CEP131: variants seen among roughly 807,000 people sequenced by gnomAD.
CEP131 encodes the protein centrosomal protein of 131 kDa.
A neutral mutation model predicts 136.8 loss-of-function variants in CEP131; 99 were observed. The observed-to-expected ratio is 0.72, with a 90% CI of 0.62 to 0.86. CEP131 has a LOEUF of 0.86. CEP131 is among the 40% of genes least tolerant of loss of function. The pLI, the probability that CEP131 is intolerant of heterozygous loss-of-function variation, is 0.00. For synonymous variants in CEP131, 646 were observed against 612.7 expected (o/e 1.05, Z -0.80); for missense variants, 1,459 against 1,463.0 (o/e 1.00, Z 0.04).
intron 17 of CEP131, 35 bp downstream of exon 17, chr17:81,194,835 C>G (rs749803404): frequency 3.2e-6 from 5 of 1,570,168 alleles, no homozygotes; most frequent in African/African-American, 2.7e-5. Context: ...GCACCCACCC[C>G]ACACCTGGCC....
intron 5 of CEP131, 119 bp downstream of exon 5, chr17:81,206,625 C>T (rs544533484): frequency 2.2e-6 from 3 of 1,355,218 alleles, no homozygotes; most frequent in African/African-American, 1.5e-5. Flanking sequence ...TTCACTCACT[C>T]ACTCATTCAT....
At chr17:81,191,538 T>A (rs953453495) in intron 21 of CEP131, among the ~76,000 whole-genome samples, 2 of 152,150 alleles carry the variant, frequency 1.3e-5, no homozygotes, top group Non-Finnish European at 2.9e-5. Context: ...GAGATCGTCA[T>A]GATGCACAGC....
At chr17:81,192,685 G>GGGGGGGGGGGGGGGCGGGCCC in intron 19 of CEP131, 51 bp downstream of exon 19, 1 of 478,436 alleles carries the variant, frequency 2.1e-6, no homozygotes, top group Non-Finnish European at 4.1e-6. Context: ...GGGGGGAGGG[G>GGGGGGGGGGGGGGGCGGGCCC]TCAGCCAGCG....
chr17:81,206,719 T>A (rs112159819), intron 5 of CEP131, 25 bp downstream of exon 5: 4 of 1,589,568 alleles, frequency 2.5e-6, no homozygotes, highest in Non-Finnish European at 2.6e-6. Flanking sequence ...CTGGTGCCCG[T>A]CGTGGGCACC....
Position 81,220,039 on chromosome 17 carries a change from G to A in CEP131, c.18C>T (p.Ala6=), listed in dbSNP as rs774014404. The A allele has an allele frequency of 1.9e-6, 3 of 1,592,458 alleles. No individual in the cohort carries two copies. The highest frequency in any genetic ancestry group is 2.6e-6 in the Non-Finnish European group (3 of 1,170,492). Residue 6 remains alanine (A), a synonymous_variant, in exon 2 of 26, where the codon GCC becomes GCT. Transcript: ENST00000450824. The part of the protein sequence containing the change: MKGTR[A]IGSVPERSPA... ...GGCTGCGCTCCGGGACGCTGCCGAT[G>A]GCCCGGGTGCCTTTCATGGTGGACA...
chr17:81,217,917 G>T (rs548500690), intron 2 of CEP131, among the ~76,000 whole-genome samples: 9 of 152,144 alleles, frequency 5.9e-5, no homozygotes, highest in Non-Finnish European at 1.2e-4. Flanking sequence ...TGGCCATGCC[G>T]CCGAAAGACC....
In CEP131 at chr17:81,208,888, C is replaced by G; in HGVS notation, c.272+40G>C. 6.5e-7 allele frequency: 1 copy of G among 1,542,994 alleles called. No homozygotes were observed. On this transcript the variant is annotated intron_variant, in intron 3 of 25. Transcript: ENST00000450824. The surrounding 1 kb of genome is among the most constrained non-coding windows in gnomAD (Gnocchi z 5.6). ...GGCCAGGGTGGGGCACCTGAGGTCC[C>G]GGGAAGGGGCCAGGGTTATCCAAGG... is the stretch of plus-strand genomic sequence containing the variant.
At chr17:81,192,673 CGGGGGGGA>C (rs2061668720) in intron 19 of CEP131, 55 bp downstream of exon 19, 3 of 204,562 alleles carry the variant, frequency 1.5e-5, no homozygotes, top group Non-Finnish European at 1.8e-5. Flanking sequence ...GGTGAGGGGG[CGGGGGGGA>C]GGGGTCAGCC....
In CEP131 at chr17:81,190,645, T is replaced by C; in HGVS notation, c.3101A>G (p.His1034Arg). The stretch of plus-strand genomic sequence containing the variant: ...TGCAGCCCCCGCCGCCCACCTCCGG[T>C]GCACCTCCTCCAGCTCCAGCTGCTG... ...ARQQLELEEV[H>R]RRVKTALARK... Residue 1034 changes from histidine (H) to arginine (R), a missense_variant, in exon 24 of 26, where the codon CAC becomes CGC. Physicochemically the swap from His to Arg is conservative, Grantham distance 29 (BLOSUM62 0). Coordinates refer to ENST00000450824, the MANE Select transcript of CEP131 (RefSeq NM_014984.4). 6.3e-7 allele frequency: 1 copy of C among 1,588,232 alleles called. No individual in the cohort carries two copies. The highest frequency in any genetic ancestry group is 8.5e-7 in the Non-Finnish European group (1 of 1,171,758).
At chr17:81,222,235 C>T (rs760499641) in intron 1 of CEP131, among the ~76,000 whole-genome samples, 37 of 152,230 alleles carry the variant, frequency 2.4e-4, no homozygotes, top group Non-Finnish European at 4.1e-4. Flanking sequence ...AACTGTGTCC[C>T]TCCCAGGACC....
chr17:81,190,164 G>A (rs1187972990), intron 24 of CEP131, among the ~76,000 whole-genome samples, 189 bp from the exon 25 acceptor site: 1 of 152,182 alleles, frequency 6.6e-6, no homozygotes, highest in Non-Finnish European at 1.5e-5. Flanking sequence ...CCCAACACAG[G>A]CCACTGGAGT....
At position 81,215,935 on chromosome 17, in the gene CEP131, C is replaced by T. The variant is rs573684370; in HGVS notation, c.177+3945G>A. Among the ~76,000 whole-genome samples, 12 of 152,074 alleles carry T rather than the reference C, an allele frequency of 7.9e-5. No individual in the cohort carries two copies. Among genetic ancestry groups the T allele is most frequent in the East Asian group, 7.8e-4 (4 of 5,152 alleles). On this transcript the variant is annotated intron_variant, in intron 2 of 25. Coordinates refer to ENST00000450824, the MANE Select transcript of CEP131 (RefSeq NM_014984.4). The surrounding 1 kb of genome is among the most constrained non-coding windows in gnomAD (Gnocchi z 4.1). Reference sequence around the variant, plus strand: ...CTGCTACAAAACAATGTAAGGAAAGCGGGAGCAGGGTCAGGTGCAGCGGCC... The same window carrying T: ...CTGCTACAAAACAATGTAAGGAAAGTGGGAGCAGGGTCAGGTGCAGCGGCC...
intron 2 of CEP131, among the ~76,000 whole-genome samples, chr17:81,212,662 C>G (rs1271396055): frequency 6.6e-6 from 1 of 151,988 alleles, no homozygotes; most frequent in Non-Finnish European, 1.5e-5. Context: ...GGGTTATCCA[C>G]TGTGACACCA....
chr17:81,189,824 T>A lies in CEP131; in HGVS notation c.3188A>T (p.Asp1063Val). 6.2e-7 allele frequency: 1 copy of A among 1,611,788 alleles called. No individual in the cohort carries two copies. The highest frequency in any genetic ancestry group is 1.3e-5 in the African/African-American group (1 of 75,008). ...TQHEAAVKRA[D>V]HLEELLEQHR... The stretch of plus-strand genomic sequence containing the variant: ...CTGCTCCAGCAGCTCCTCCAGGTGG[T>A]CGGCCCGCTTCACCGCAGCCTGCAG... The change falls in exon 26 of 26, where the codon GAC becomes GTC. Residue 1063 changes from aspartate (D) to valine (V), a missense_variant. Coordinates refer to ENST00000450824, the MANE Select transcript of CEP131 (RefSeq NM_014984.4).
chr17:81,192,128 G>A (rs977213940), intron 21 of CEP131, among the ~76,000 whole-genome samples, 190 bp downstream of exon 21: 3 of 152,068 alleles, frequency 2.0e-5, no homozygotes, highest in African/African-American at 4.8e-5. Flanking sequence ...CAGAGCCCAC[G>A]CAAAAGATGG....
At chr17:81,198,383 A>T in intron 11 of CEP131, 86 bp from the exon 12 acceptor site, 1 of 1,381,608 alleles carries the variant, frequency 7.2e-7, no homozygotes, top group Non-Finnish European at 9.7e-7. Context: ...CAGAGCCCCA[A>T]AGGCGCCGCG....
intron 17 of CEP131, 125 bp downstream of exon 17, chr17:81,194,745 G>A (rs2061717191): frequency 1.2e-6 from 1 of 854,086 alleles, no homozygotes; most frequent in African/African-American, 1.7e-5. Context: ...TGGGGCATGA[G>A]TGTTCACCTC....
chr17:81,218,223 A>G (rs975749653), intron 2 of CEP131, among the ~76,000 whole-genome samples: 5 of 152,114 alleles, frequency 3.3e-5, no homozygotes, highest in Non-Finnish European at 7.4e-5. Context: ...TTGCATTTTC[A>G]GTAGAGGCAG....
chr17:81,217,801 T>A (rs1369680827), intron 2 of CEP131, among the ~76,000 whole-genome samples: 1 of 152,154 alleles, frequency 6.6e-6, no homozygotes, highest in Non-Finnish European at 1.5e-5. Context: ...GGGATCGATA[T>A]GAGTAGCGCT....
Sources: gnomAD v4.1 joint callset for allele counts (sites outside exome capture counted in the v4.1 genomes callset) on GRCh38, gnomAD v4.1.1 for gene constraint, Gnocchi (gnomAD v3.1) non-coding constraint, MANE v1.5 for transcripts, NCBI Gene and HGNC (gene_info 2026-07-23, HGNC 2026-07-21) for gene names.